FMNL1: variants seen among roughly 807,000 people sequenced by gnomAD.
FMNL1 encodes the protein formin-like protein 1.
Under a neutral mutation model 121.3 loss-of-function variants are expected in FMNL1, and 43 were observed. The ratio of observed to expected loss-of-function variants is 0.35; its 90% confidence interval spans 0.28 to 0.46. FMNL1 has a LOEUF of 0.46. Ranked by LOEUF, FMNL1 falls within the 20% of genes least tolerant of loss-of-function variation. The pLI, the probability that FMNL1 is intolerant of heterozygous loss-of-function variation, is 1.00. For missense variants in FMNL1, 1,191 were observed against 1,482.4 expected (o/e 0.80, Z 3.23); for synonymous variants, 613 against 613.5 (o/e 1.00, Z 0.01).
At chr17:45,234,978 G>A (rs900188330) in intron 6 of FMNL1, 2 of 152,606 alleles carry the variant, frequency 1.3e-5, no homozygotes, top group African/African-American at 2.4e-5. Context: ...ATCCTAACAC[G>A]GGCATCTTGC....
chr17:45,240,752 G>A, intron 12 of FMNL1, 127 bp downstream of exon 12: 2 of 1,354,312 alleles, frequency 1.5e-6, no homozygotes, highest in South Asian at 3.0e-5. Flanking sequence ...GGTGCTGCCT[G>A]CCTGGCCCCA....
chr17:45,229,208 G>C (rs973537074), intron 1 of FMNL1, among the ~76,000 whole-genome samples: 2 of 152,222 alleles, frequency 1.3e-5, no homozygotes, highest in Non-Finnish European at 2.9e-5. Flanking sequence ...CGCTGGGGGC[G>C]GGGGGCCTGG....
chr17:45,229,912 C>T (rs369521576), intron 1 of FMNL1, among the ~76,000 whole-genome samples: 277 of 152,300 alleles, frequency 1.8e-3, no homozygotes, highest in African/African-American at 6.4e-3. Context: ...ACCTTCCCCG[C>T]AAATCTCCCC....
intron 6 of FMNL1, among the ~76,000 whole-genome samples, chr17:45,235,832 A>C (rs115934840): frequency 1.3e-5 from 2 of 152,294 alleles, no homozygotes; most frequent in African/African-American, 4.8e-5. Flanking sequence ...GATGAGCCCA[A>C]GTGGCCATGA....
intron 25 of FMNL1, 59 bp from the exon 26 acceptor site, chr17:45,246,444 TTC>T: frequency 6.2e-7 from 1 of 1,613,236 alleles, no homozygotes. Context: ...TTGCTACCTT[TTC>T]TGTTTTTCTT....
intron 1 of FMNL1, among the ~76,000 whole-genome samples, chr17:45,222,768 T>G (rs1342347836): frequency 6.6e-6 from 1 of 152,038 alleles, no homozygotes; most frequent in Non-Finnish European, 1.5e-5. Context: ...TATCTGTGTT[T>G]CTACCCCGCC....
intron 21 of FMNL1, 35 bp downstream of exon 21, chr17:45,245,143 G>C: frequency 6.2e-7 from 1 of 1,611,230 alleles, no homozygotes; most frequent in Non-Finnish European, 8.5e-7. Flanking sequence ...TGTGGGGAGG[G>C]GCCGTGGGCT....
In FMNL1 at chr17:45,242,021, C is replaced by G. The variant is rs765502971; in HGVS notation, c.1760C>G (p.Pro587Arg). ...APPLPGDLPP[P>R]PPPPPPPPGT... ...CCGCTGCCCGGAGACCTGCCGCCCC[C>G]ACCCCCGCCACCGCCACCACCTCCG... is the stretch of plus-strand genomic sequence containing the variant. Residue 587 changes from proline (P) to arginine (R), a missense_variant, in exon 15 of 27, where the codon CCA becomes CGA. Physicochemically the swap from Pro to Arg is moderately radical, Grantham distance 103 (BLOSUM62 -2). Coordinates refer to ENST00000331495, the MANE Select transcript of FMNL1 (RefSeq NM_005892.4). 3.0e-6 allele frequency: 4 copies of G among 1,345,652 alleles called. No homozygotes were observed. The South Asian group carries it at 4.8e-5, about 16-fold the overall frequency. 83.4% of individuals were successfully genotyped at this position (1,345,652 alleles called of 1,614,324 possible).
Position 45,233,214 on chromosome 17 carries a change from C to CG in FMNL1, c.328-8dup. On this transcript the variant is annotated splice_polypyrimidine_tract_variant and intron_variant, in intron 3 of 26. Coordinates refer to ENST00000331495, the MANE Select transcript of FMNL1 (RefSeq NM_005892.4). The surrounding 1 kb of genome is among the most constrained non-coding windows in gnomAD (Gnocchi z 4.1). ...TCCACCCACCAGCCTTCCCTGTTCT[C>CG]GGTCCCCAGTTTAAGAGGCGAGTTC... The CG allele has an allele frequency of 1.3e-6, 2 of 1,553,788 alleles. No individual in the cohort carries two copies. The highest frequency in any genetic ancestry group is 1.7e-6 in the Non-Finnish European group (2 of 1,148,342).
In FMNL1 at chr17:45,241,422, G is replaced by T. The variant is rs769370872; in HGVS notation, c.1373G>T (p.Arg458Leu). 6 of 1,561,750 alleles carry T rather than the reference G, an allele frequency of 3.8e-6. No homozygotes were observed. In the African/African-American group the frequency reaches 6.8e-5, roughly 18 times the overall value. ...TCGACCGCCATGGGGCCCTCCAGGC[G>T]TCCCCCAGAGCCTGAGAAAGCGCCT... ...SESTAMGPSR[R>L]PPEPEKAPPA... The change falls in exon 14 of 27, where the codon CGT becomes CTT. Residue 458 changes from arginine (R) to leucine (L), a missense_variant. By Grantham distance (102) the Arg-to-Leu change is moderately radical. Around this residue, in one of 4 missense-constraint regions of FMNL1, gnomAD observed 519 missense variants for 492.8 expected, o/e 1.05. Transcript: ENST00000331495. The surrounding 1 kb of genome is among the most constrained non-coding windows in gnomAD (Gnocchi z 7.0).
Position 45,239,079 on chromosome 17 carries a change from T to C in FMNL1, c.1080+14T>C. 1 of 1,601,308 alleles carries C rather than the reference T, an allele frequency of 6.2e-7. No individual in the cohort carries two copies. Among genetic ancestry groups the C allele is most frequent in the Non-Finnish European group, 8.6e-7 (1 of 1,168,400 alleles). ...CTGTACTTGGAGGTAAGCCCTGTACTGCCCCCCAGACTGAACTGCCTGCCC... is the reference window on the plus strand; with the variant it reads ...CTGTACTTGGAGGTAAGCCCTGTACCGCCCCCCAGACTGAACTGCCTGCCC... On this transcript the variant is annotated intron_variant, in intron 11 of 26. Coordinates refer to ENST00000331495, the MANE Select transcript of FMNL1 (RefSeq NM_005892.4).
chr17:45,246,500 CTCAGTGA>C lies in FMNL1; in HGVS notation c.3212-1_3217del, dbSNP rs1332227919. The C allele has an allele frequency of 7.4e-6, 12 of 1,614,208 alleles. No individual in the cohort carries two copies. Among genetic ancestry groups the C allele is most frequent in the Non-Finnish European group, 9.3e-6 (11 of 1,180,012 alleles). On this transcript the variant is annotated splice_acceptor_variant and splice_polypyrimidine_tract_variant and coding_sequence_variant and intron_variant, in exon 26 of 27. Transcript: ENST00000331495. LOFTEE classifies it high-confidence loss of function. ...CTCCCCTTCACCTGCCCCACCCCCA[CTCAGTGA>C]TCAAGACGGTGCCCTTCACGGCCCG...
At chr17:45,228,938 C>G (rs11079492) in intron 1 of FMNL1, among the ~76,000 whole-genome samples, 47,706 of 152,032 alleles carry the variant, frequency 0.31, 8,654 homozygotes, top group East Asian at 0.48. Flanking sequence ...CTGCCCCACC[C>G]TTTGTCTCTG....
chr17:45,237,223 G>A lies in FMNL1; in HGVS notation c.724-58G>A, dbSNP rs2043569794. The A allele has an allele frequency of 1.3e-6, 2 of 1,537,702 alleles. No individual in the cohort carries two copies. Among genetic ancestry groups the A allele is most frequent in the East Asian group, 2.3e-5 (1 of 44,376 alleles). On this transcript the variant is annotated intron_variant, in intron 7 of 26. Coordinates refer to ENST00000331495, the MANE Select transcript of FMNL1 (RefSeq NM_005892.4). This position sits in a 1 kb window ranked among gnomAD's most constrained non-coding sequence, Gnocchi z 4.4. ...GGCAGTTAAAGATCCACGTGGCGTG[G>A]GTGCCTGAAGTCCTGGGGGGCCCTT...
Position 45,246,204 on chromosome 17 carries a change from C to G in FMNL1, c.3091-6C>G, listed in dbSNP as rs1405280454. 1 of 1,603,888 alleles carries G rather than the reference C, an allele frequency of 6.2e-7. No homozygotes were observed. Among genetic ancestry groups the G allele is most frequent in the Non-Finnish European group, 8.5e-7 (1 of 1,172,642 alleles). Reference sequence around the variant, plus strand: ...TCCTGGAGCTGGAGCTATAAATTCCCCCTAGTCACCGCCAAAGGCCCGGCG... The same window carrying G: ...TCCTGGAGCTGGAGCTATAAATTCCGCCTAGTCACCGCCAAAGGCCCGGCG... On this transcript the variant is annotated splice_region_variant and splice_polypyrimidine_tract_variant and intron_variant, in intron 24 of 26. Transcript: ENST00000331495.
chr17:45,229,055 C>CG (rs397690388), intron 1 of FMNL1, among the ~76,000 whole-genome samples: 5 of 152,180 alleles, frequency 3.3e-5, no homozygotes, highest in African/African-American at 9.7e-5. Flanking sequence ...GCGGTTCCCC[C>CG]ACCCCCTGCC....
At position 45,233,377 on chromosome 17, in the gene FMNL1, C is replaced by G; in HGVS notation, c.401+80C>G. 7.1e-7 allele frequency: 1 copy of G among 1,411,044 alleles called. No individual in the cohort carries two copies. Among genetic ancestry groups the G allele is most frequent in the Non-Finnish European group, 9.7e-7 (1 of 1,032,640 alleles). 87.4% of individuals were successfully genotyped at this position (1,411,044 alleles called of 1,614,324 possible). A position where few individuals can be genotyped will look rare whatever the true frequency, so the allele number is the denominator to read the frequency against. On this transcript the variant is annotated intron_variant, in intron 4 of 26. Coordinates refer to ENST00000331495, the MANE Select transcript of FMNL1 (RefSeq NM_005892.4). The surrounding 1 kb of genome is among the most constrained non-coding windows in gnomAD (Gnocchi z 4.1). ...CAGCTCCTGGAGCTTCCCCTTCCTA[C>G]TCCCCCTGCCCCCTGCACAAGGCTG...
At chr17:45,240,987 C>T (rs2043676409) in intron 12 of FMNL1, 142 bp from the exon 13 acceptor site, 1 of 1,025,346 alleles carries the variant, frequency 9.8e-7, no homozygotes, top group Non-Finnish European at 1.4e-6. Flanking sequence ...GAGTGCCAGG[C>T]TCGGCCCACC....
intron 17 of FMNL1, 117 bp from the exon 18 acceptor site, chr17:45,243,674 C>T (rs1250002503): frequency 1.1e-5 from 11 of 1,009,944 alleles, no homozygotes; most frequent in Admixed American, 2.8e-5. Flanking sequence ...CTCTCTGAAG[C>T]TGTTGGCAAA....
Sources: gnomAD v4.1 joint callset for allele counts (sites outside exome capture counted in the v4.1 genomes callset) on GRCh38, gnomAD v4.1.1 for gene constraint, gnomAD v4.1.1 regional missense constraint, Gnocchi (gnomAD v3.1) non-coding constraint, MANE v1.5 for transcripts, NCBI Gene and HGNC (gene_info 2026-07-23, HGNC 2026-07-21) for gene names.